CDC42EP3: variants seen among roughly 807,000 people sequenced by gnomAD.
CDC42EP3 encodes CDC42 effector protein 3.
Under a neutral mutation model 15.5 loss-of-function variants are expected in CDC42EP3, and 4 were observed. The observed-to-expected ratio is 0.26, with a 90% CI of 0.13 to 0.59. The LOEUF (loss-of-function observed/expected upper bound fraction) is 0.59. Ranked by LOEUF, CDC42EP3 falls within the 20% of genes least tolerant of loss-of-function variation. The pLI, the probability that CDC42EP3 is intolerant of heterozygous loss-of-function variation, is 0.89. For missense variants in CDC42EP3, 309 were observed against 311.2 expected (o/e 0.99, Z 0.05); for synonymous variants, 145 against 130.3 (o/e 1.11, Z -0.77).
At chr2:37,667,391 G>C (rs2124638590) in intron 1 of CDC42EP3, among the ~76,000 whole-genome samples, 1 of 152,302 alleles carries the variant, frequency 6.6e-6, no homozygotes, top group East Asian at 1.9e-4. Flanking sequence ...ATTGTCCACA[G>C]GTGGTTACTG....
chr2:37,653,668 A>T (rs925591940), intron 1 of CDC42EP3, among the ~76,000 whole-genome samples: 1 of 152,088 alleles, frequency 6.6e-6, no homozygotes, highest in Admixed American at 6.5e-5. Context: ...AGAACCAAGG[A>T]GTTGGGATAT....
intron 1 of CDC42EP3, among the ~76,000 whole-genome samples, chr2:37,659,510 A>T (rs185233088): frequency 1.4e-3 from 212 of 152,352 alleles, no homozygotes; most frequent in Middle Eastern, 3.4e-3. Flanking sequence ...CTTAAGGCAA[A>T]TATTTGTGGA....
chr2:37,660,377 T>C (rs1443566218), intron 1 of CDC42EP3, among the ~76,000 whole-genome samples: 1 of 152,204 alleles, frequency 6.6e-6, no homozygotes. Context: ...TATCTTCTCA[T>C]TCACACCTAC....
intron 1 of CDC42EP3, among the ~76,000 whole-genome samples, chr2:37,652,675 C>T (rs1665728580): frequency 1.3e-5 from 2 of 152,162 alleles, no homozygotes; most frequent in African/African-American, 4.8e-5. Flanking sequence ...AGCCATCCTC[C>T]TGCCCCAGCA....
intron 1 of CDC42EP3, among the ~76,000 whole-genome samples, chr2:37,648,821 C>T (rs543203002): frequency 6.0e-4 from 92 of 152,178 alleles, no homozygotes; most frequent in African/African-American, 2.0e-3. Flanking sequence ...TGGCCTCGGG[C>T]CCCCTGCTGT....
At chr2:37,654,970 C>G (rs78048487) in intron 1 of CDC42EP3, among the ~76,000 whole-genome samples, 1 of 152,156 alleles carries the variant, frequency 6.6e-6, no homozygotes, top group Non-Finnish European at 1.5e-5. Flanking sequence ...ATTTCTAAGG[C>G]GGAAATCAGT....
chr2:37,647,337 C>T (rs1665511239), intron 1 of CDC42EP3: 1 of 152,224 alleles, frequency 6.6e-6, no homozygotes, highest in Non-Finnish European at 1.5e-5. Context: ...TAGTGGAATA[C>T]ATTCTTACAG....
At chr2:37,666,209 T>C (rs1223950392) in intron 1 of CDC42EP3, among the ~76,000 whole-genome samples, 2 of 152,194 alleles carry the variant, frequency 1.3e-5, no homozygotes, top group East Asian at 3.8e-4. Context: ...CCAGAGTGTG[T>C]TTCCTGCCAG....
chr2:37,671,828 G>T (rs1182761212), upstream of CDC42EP3: 1 of 151,938 alleles, frequency 6.6e-6, no homozygotes, highest in Admixed American at 6.6e-5. Context: ...CGCGGGGGGG[G>T]GTCACCGTTG....
intron 1 of CDC42EP3, among the ~76,000 whole-genome samples, chr2:37,669,245 A>C (rs1280835625): frequency 6.7e-6 from 1 of 149,242 alleles, no homozygotes; most frequent in Non-Finnish European, 1.5e-5. Context: ...AAAAAAAAAA[A>C]AAAAAAAAAT....
Position 37,642,720 on chromosome 2 carries a change from T to C in CDC42EP3, c.*3103A>G, listed in dbSNP as rs1376264090. On this transcript the variant is annotated 3_prime_UTR_variant, in exon 2 of 2. Coordinates refer to ENST00000295324, the MANE Select transcript of CDC42EP3 (RefSeq NM_006449.5). ...TATTTATCAAGTTAATTTATGGACTTATGGATTTTTTCCATTCCAGGACTT... is the reference window on the plus strand; with the variant it reads ...TATTTATCAAGTTAATTTATGGACTCATGGATTTTTTCCATTCCAGGACTT... 6.6e-6 allele frequency: 1 copy of C among 152,216 alleles called. No homozygotes were observed. Among genetic ancestry groups the C allele is most frequent in the Non-Finnish European group, 1.5e-5 (1 of 68,028 alleles). The allele number at this position is 152,216 out of a possible 1,614,324, so 9.4% of individuals were successfully genotyped here. A position where few individuals can be genotyped will look rare whatever the true frequency, so the allele number is the denominator to read the frequency against.
At chr2:37,647,345 C>CAGAT (rs1364856182) in intron 1 of CDC42EP3, 2 of 152,188 alleles carry the variant, frequency 1.3e-5, no homozygotes, top group Admixed American at 1.3e-4. Context: ...TACATTCTTA[C>CAGAT]AGATAAGAAA....
chr2:37,658,341 G>C (rs1459101556), intron 1 of CDC42EP3, among the ~76,000 whole-genome samples: 1 of 152,190 alleles, frequency 6.6e-6, no homozygotes, highest in Non-Finnish European at 1.5e-5. Flanking sequence ...TGACAAGTTT[G>C]GGAGCTGTAT....
intron 1 of CDC42EP3, among the ~76,000 whole-genome samples, chr2:37,659,711 T>C (rs1017093967): frequency 1.3e-5 from 2 of 152,170 alleles, no homozygotes; most frequent in Non-Finnish European, 1.5e-5. Context: ...CAAAAGGAGA[T>C]GTGTTAAGGG....
Position 37,646,698 on chromosome 2 carries a change from A to C in CDC42EP3, c.-111T>G. ...TAGGAACTGTCACATCATTTTTCTC[A>C]AGTGGCTTCAGAAGTGGCTTCGAAA... is the stretch of plus-strand genomic sequence containing the variant. On this transcript the variant is annotated 5_prime_UTR_variant, in exon 2 of 2. Transcript: ENST00000295324. 2.6e-4 allele frequency: 287 copies of C among 1,095,958 alleles called. No individual in the cohort carries two copies. The highest frequency in any genetic ancestry group is 6.5e-4 in the Middle Eastern group (2 of 3,074). The allele number at this position is 1,095,958 out of a possible 1,614,324, so 67.9% of individuals were successfully genotyped here. A position where few individuals can be genotyped will look rare whatever the true frequency, so the allele number is the denominator to read the frequency against.
At position 37,642,681 on chromosome 2, in the gene CDC42EP3, T is replaced by C. The variant is rs937500257; in HGVS notation, c.*3142A>G. 1 of 152,250 alleles carries C rather than the reference T, an allele frequency of 6.6e-6. No homozygotes were observed. The highest frequency in any genetic ancestry group is 1.5e-5 in the Non-Finnish European group (1 of 68,048). 9.4% of individuals were successfully genotyped at this position (152,250 alleles called of 1,614,324 possible). On this transcript the variant is annotated 3_prime_UTR_variant, in exon 2 of 2. Transcript: ENST00000295324. ...AACTACATCACTCAATATTTTCTTT[T>C]GTCTGTTCTAAAATATTTATCAAGT...
At position 37,666,294 on chromosome 2, in the gene CDC42EP3, A is replaced by G. The variant is rs374165547; in HGVS notation, c.-236+5132T>C. 4.6e-5 allele frequency among the ~76,000 whole-genome samples: 7 copies of G among 152,312 alleles called. No individual in the cohort carries two copies. The South Asian group carries it at 1.0e-3, about 23-fold the overall frequency. ...CACGACCTCCCTGTGGAGATTCACT[A>G]TATACACTGGCTTTTTAAATGTTCT... On this transcript the variant is annotated intron_variant, in intron 1 of 1. Coordinates refer to ENST00000295324, the MANE Select transcript of CDC42EP3 (RefSeq NM_006449.5).
At position 37,659,682 on chromosome 2, in the gene CDC42EP3, A is replaced by C. The variant is rs550733585; in HGVS notation, c.-236+11744T>G. ...GAATGAGGCCCTGGAGAAACAATGA[A>C]CTTGCTCTTTTCTCTTTTCAAAAGG... On this transcript the variant is annotated intron_variant, in intron 1 of 1. Transcript: ENST00000295324. Among the ~76,000 whole-genome samples the C allele has an allele frequency of 4.3e-3, 652 of 152,308 alleles. 1 individual carries two copies. The highest frequency in any genetic ancestry group is 6.9e-3 in the Non-Finnish European group (468 of 68,012).
In CDC42EP3 at chr2:37,645,453, T is replaced by C. The variant is rs760759579; in HGVS notation, c.*370A>G. ...TTTTGACTTCCTCTTGCTCAGAAAA[T>C]GTCGGAGTGCTATAAAGTTCCGTGA... On this transcript the variant is annotated 3_prime_UTR_variant, in exon 2 of 2. Transcript: ENST00000295324. 2 of 165,312 alleles carry C rather than the reference T, an allele frequency of 1.2e-5. No homozygotes were observed. The highest frequency in any genetic ancestry group is 2.6e-5 in the Non-Finnish European group (2 of 76,932). 10.2% of individuals were successfully genotyped at this position (165,312 alleles called of 1,614,324 possible).
Sources: gnomAD v4.1 joint callset for allele counts (sites outside exome capture counted in the v4.1 genomes callset) on GRCh38, gnomAD v4.1.1 for gene constraint, MANE v1.5 for transcripts, NCBI Gene and HGNC (gene_info 2026-07-23, HGNC 2026-07-21) for gene names.